Variants in SH3RF2 observed in about 807,000 individuals in gnomAD.
SH3RF2 encodes the protein E3 ubiquitin-protein ligase SH3RF2.
In SH3RF2, 43 loss-of-function variants were observed where a neutral mutation model predicts 59.0. The observed-to-expected ratio is 0.73, with a 90% CI of 0.57 to 0.94. The LOEUF (loss-of-function observed/expected upper bound fraction) is 0.94. Among genes scored for constraint, SH3RF2 ranks in the 40% least tolerant of loss-of-function variants. The pLI is 0.00. For missense variants in SH3RF2, 930 were observed against 940.1 expected, an observed-to-expected ratio of 0.99 and a Z score of 0.14; for synonymous variants, 391 against 391.5, an observed-to-expected ratio of 1.00 and a Z score of 0.01.
rs771469547 is a variant in SH3RF2 at position 146,055,990 on chromosome 5, T to C, written c.1332T>C (p.Ser444=). Residue 444 remains serine, a synonymous_variant, in exon 8 of 10, where the codon TCT becomes TCC. Coordinates refer to ENST00000359120, the MANE Select transcript of SH3RF2 (RefSeq NM_152550.4). ...NYVIPIFRKT[S]SFPDSRSPGL... ...AATTTTCCAAAACCAGAAAGACCTC[T>C]AGTTTTCCAGACTCCCGGAGCCCTG... is the stretch of plus-strand genomic sequence containing the variant. 1.2e-6 allele frequency: 2 copies of C among 1,611,560 alleles called. No homozygotes were observed. The highest frequency in any genetic ancestry group is 1.7e-6 in the Non-Finnish European group (2 of 1,179,062).
chr5:145,944,722 C>T (rs1757946550), intron 2 of SH3RF2, among the ~76,000 whole-genome samples: 1 of 152,176 alleles, frequency 6.6e-6, no homozygotes, highest in East Asian at 1.9e-4. Flanking sequence ...TAATAAGAAA[C>T]ATTTCCCACA....
intron 7 of SH3RF2, chr5:146,049,954 A>G (rs1345532359): frequency 6.5e-6 from 1 of 152,738 alleles, no homozygotes; most frequent in African/African-American, 2.4e-5. Context: ...CCCTGTCTCA[A>G]GGCAGTGAGG....
At chr5:145,954,868 CGAGA>C (rs144204728) in intron 2 of SH3RF2, among the ~76,000 whole-genome samples, 2 of 147,862 alleles carry the variant, frequency 1.4e-5, no homozygotes, top group East Asian at 2.0e-4. Flanking sequence ...GAGCAAGGAG[CGAGA>C]GAGAGAGAGA....
rs755855600 is a variant in SH3RF2 at position 146,000,266 on chromosome 5, A to G, written c.587A>G (p.Tyr196Cys). 1.9e-6 allele frequency: 3 copies of G among 1,613,862 alleles called. No homozygotes were observed. The highest frequency in any genetic ancestry group is 1.3e-5 in the African/African-American group (1 of 75,034). Residue 196 changes from tyrosine (Y) to cysteine (C), a missense_variant, in exon 3 of 10, where the codon TAC becomes TGC. Physicochemically the swap from Tyr to Cys is radical, Grantham distance 194. Coordinates refer to ENST00000359120, the MANE Select transcript of SH3RF2 (RefSeq NM_152550.4). The stretch of plus-strand genomic sequence containing the variant: ...CCGCCCCCGCTCTGCAGGGCCCTCT[A>G]CAACTTCGACCTACGAGGCAAGGAC... ...PQPPPLCRAL[Y>C]NFDLRGKDKS...
At chr5:146,043,814 A>T (rs2150011827) in intron 5 of SH3RF2, 1 of 152,336 alleles carries the variant, frequency 6.6e-6, no homozygotes, top group Admixed American at 6.5e-5. Context: ...TGAGGAGTAC[A>T]CCGCTGTGGT....
At chr5:146,071,996 G>A (rs1346194892) in intron 9 of SH3RF2, among the ~76,000 whole-genome samples, 2 of 152,222 alleles carry the variant, frequency 1.3e-5, no homozygotes, top group East Asian at 3.8e-4. Flanking sequence ...ACAGAAGTGA[G>A]AGGAGAGAAC....
chr5:146,022,838 C>T (rs1387981163), intron 5 of SH3RF2, among the ~76,000 whole-genome samples: 1 of 151,250 alleles, frequency 6.6e-6, no homozygotes, highest in African/African-American at 2.4e-5. Context: ...TGCCGGTGCA[C>T]TGCAGCCTGA....
At chr5:146,063,992 C>T (rs776353405), downstream of SH3RF2, among the ~76,000 whole-genome samples, 45 of 152,320 alleles carry the variant, frequency 3.0e-4, no homozygotes, top group Non-Finnish European at 8.8e-5. Flanking sequence ...TTTCTTCTCA[C>T]TTGGGGCAGA....
chr5:146,068,662 C>G (rs773496536), intron 9 of SH3RF2, among the ~76,000 whole-genome samples: 1 of 152,104 alleles, frequency 6.6e-6, no homozygotes, highest in African/African-American at 2.4e-5. Flanking sequence ...GTTAAATGAT[C>G]GAGCAGACTG....
chr5:146,022,776 G>A (rs1319332151), intron 5 of SH3RF2, among the ~76,000 whole-genome samples: 1 of 151,952 alleles, frequency 6.6e-6, no homozygotes, highest in Non-Finnish European at 1.5e-5. Context: ...GGGAAGCTGA[G>A]GCAGGAGAAT....
chr5:145,963,570 A>T (rs1244683661), intron 2 of SH3RF2, among the ~76,000 whole-genome samples: 1 of 152,220 alleles, frequency 6.6e-6, no homozygotes, highest in Non-Finnish European at 1.5e-5. Context: ...AACCATATTG[A>T]AAACAGATGG....
chr5:146,069,788 G>A (rs79039478), intron 9 of SH3RF2, among the ~76,000 whole-genome samples: 1,704 of 152,018 alleles, frequency 0.011, 18 homozygotes, highest in Non-Finnish European at 0.017. Context: ...TACCCAGACT[G>A]GTCTCGAACT....
intron 7 of SH3RF2, among the ~76,000 whole-genome samples, chr5:146,052,920 G>A (rs1762548017): frequency 6.6e-6 from 1 of 152,182 alleles, no homozygotes; most frequent in African/African-American, 2.4e-5. Context: ...CTGTGTTTGG[G>A]TCCTTTTCCC....
chr5:145,963,105 G>A (rs941306910), intron 2 of SH3RF2, among the ~76,000 whole-genome samples: 7 of 151,626 alleles, frequency 4.6e-5, no homozygotes, highest in South Asian at 4.2e-4. Context: ...CACCATGTTC[G>A]CCTGGATGGT....
chr5:145,953,614 C>T (rs1371334665), intron 2 of SH3RF2, among the ~76,000 whole-genome samples: 1 of 152,114 alleles, frequency 6.6e-6, no homozygotes, highest in Admixed American at 6.6e-5. Flanking sequence ...TACAGGTAAG[C>T]ACATGTCACA....
chr5:146,010,539 T>A (rs192206185), intron 4 of SH3RF2, among the ~76,000 whole-genome samples: 1 of 152,328 alleles, frequency 6.6e-6, no homozygotes, highest in Admixed American at 6.5e-5. Flanking sequence ...CTCCAGCACC[T>A]GTTGTTTCCT....
chr5:146,068,155 C>T (rs900257158), downstream of SH3RF2, among the ~76,000 whole-genome samples: 15 of 152,222 alleles, frequency 9.9e-5, no homozygotes, highest in African/African-American at 3.6e-4. Context: ...TCTTCAAAGG[C>T]CTCAGCAATG....
At chr5:146,007,361 G>C (rs116150597) in intron 4 of SH3RF2, among the ~76,000 whole-genome samples, 1,743 of 152,294 alleles carry the variant, frequency 0.011, 31 homozygotes, top group African/African-American at 0.04. Context: ...AGAGGCAGGC[G>C]TAGAGGAGAG....
chr5:146,066,944 G>C (rs1189411023), downstream of SH3RF2, among the ~76,000 whole-genome samples: 1 of 152,158 alleles, frequency 6.6e-6, no homozygotes, highest in East Asian at 1.9e-4. Flanking sequence ...AGTAGGATTT[G>C]ATTGGGGGAA....
Sources: gnomAD v4.1 joint callset for allele counts (sites outside exome capture counted in the v4.1 genomes callset) on GRCh38, gnomAD v4.1.1 for gene constraint, MANE v1.5 for transcripts, NCBI Gene and HGNC (gene_info 2026-07-23, HGNC 2026-07-21) for gene names.